Variants in MARCHF1 observed in about 807,000 individuals in gnomAD.
MARCHF1 encodes E3 ubiquitin-protein ligase MARCHF1.
Under a neutral mutation model 54.2 loss-of-function variants are expected in MARCHF1, and 40 were observed. The ratio of observed to expected loss-of-function variants is 0.74; its 90% CI spans 0.57 to 0.96. The LOEUF (loss-of-function observed/expected upper bound fraction) is 0.96. Among genes scored for constraint, MARCHF1 ranks in the 40% least tolerant of loss-of-function variants. The probability of loss-of-function intolerance (pLI) is 0.00; values close to 1 mark genes in which losing one functional copy is unlikely to be tolerated. For synonymous variants in MARCHF1, 236 were observed against 236.3 expected (o/e 1.00, Z 0.01); for missense variants, 586 against 656.5 (o/e 0.89, Z 1.17).
chr4:164,317,158 CAACT>C (rs1231772019), intron 1 of MARCHF1, among the ~76,000 whole-genome samples: 3 of 152,142 alleles, frequency 2.0e-5, no homozygotes, highest in Non-Finnish European at 2.9e-5. Flanking sequence ...TCAAAATAAG[CAACT>C]AACTGTACTC....
At chr4:163,596,401 A>G (rs927556049) in intron 7 of MARCHF1, among the ~76,000 whole-genome samples, 1 of 151,908 alleles carries the variant, frequency 6.6e-6, no homozygotes, top group African/African-American at 2.4e-5. Flanking sequence ...TTAGCCAGGC[A>G]TGGTGGCATG....
At chr4:163,633,011 C>A (rs376880991) in intron 5 of MARCHF1, among the ~76,000 whole-genome samples, 2 of 152,220 alleles carry the variant, frequency 1.3e-5, no homozygotes, top group Non-Finnish European at 2.9e-5. Flanking sequence ...CTGCAGGGTA[C>A]TCCAACAGAC....
chr4:164,160,457 T>G (rs947636999), intron 1 of MARCHF1, among the ~76,000 whole-genome samples: 7 of 152,206 alleles, frequency 4.6e-5, no homozygotes, highest in Non-Finnish European at 8.8e-5. Flanking sequence ...CACAGTCGCA[T>G]ATGTGGTATG....
chr4:163,986,246 C>CTTTTTTTTTTTTTTTTTTTTTTTTTTT (rs1752861022), intron 3 of MARCHF1, among the ~76,000 whole-genome samples: 4 of 73,758 alleles, frequency 5.4e-5, no homozygotes, highest in Non-Finnish European at 8.2e-5. Flanking sequence ...TAATTAACCT[C>CTTTTTTTTTTTTTTTTTTTTTTTTTTT]TTCTTTTTTT....
At chr4:163,978,195 A>G (rs887071312) in intron 3 of MARCHF1, among the ~76,000 whole-genome samples, 2 of 152,328 alleles carry the variant, frequency 1.3e-5, no homozygotes, top group Admixed American at 1.3e-4. Context: ...GCCATTGGCA[A>G]ACTTCAAATA....
intron 4 of MARCHF1, among the ~76,000 whole-genome samples, chr4:163,753,407 G>A (rs1746580562): frequency 6.6e-6 from 1 of 152,036 alleles, no homozygotes; most frequent in Non-Finnish European, 1.5e-5. Flanking sequence ...CAATTTTAGT[G>A]TCTGCTTTTT....
chr4:164,248,035 A>G (rs1733008463), intron 1 of MARCHF1, among the ~76,000 whole-genome samples: 1 of 151,870 alleles, frequency 6.6e-6, no homozygotes, highest in Admixed American at 6.6e-5. Flanking sequence ...TTGGGGAATA[A>G]TATCACATTC....
At chr4:164,108,405 T>C (rs1273578593) in intron 2 of MARCHF1, among the ~76,000 whole-genome samples, 2 of 152,178 alleles carry the variant, frequency 1.3e-5, no homozygotes, top group African/African-American at 2.4e-5. Flanking sequence ...GCAGAATTCA[T>C]TCATTCATTC....
chr4:163,814,973 C>A (rs1579308337), intron 4 of MARCHF1, among the ~76,000 whole-genome samples: 1 of 151,892 alleles, frequency 6.6e-6, no homozygotes. Context: ...TCTGGCATTA[C>A]TTAAAAAATG....
intron 5 of MARCHF1, among the ~76,000 whole-genome samples, chr4:163,622,096 A>T (rs1741712051): frequency 6.6e-6 from 1 of 152,088 alleles, no homozygotes. Flanking sequence ...TGTAAAAGGC[A>T]GCTGAGATTG....
chr4:164,119,970 C>A lies in MARCHF1; in HGVS notation c.-322-8308G>T, dbSNP rs114890471. ...TTGTTCCTGATAACACATAAAAGAT[C>A]ACTTATACATTATTTTTATGAAGTG... is the stretch of plus-strand genomic sequence containing the variant. On this transcript the variant is annotated intron_variant, in intron 1 of 9. Coordinates refer to ENST00000514618, the MANE Select transcript of MARCHF1 (RefSeq NM_001394959.1). Among the ~76,000 whole-genome samples the A allele has an allele frequency of 3.9e-3, 598 of 151,788 alleles. 5 individuals are homozygous for A. The highest frequency in any genetic ancestry group is 0.014 in the African/African-American group (577 of 41,454).
At chr4:164,198,441 G>C (rs1731344636) in intron 1 of MARCHF1, among the ~76,000 whole-genome samples, 1 of 152,176 alleles carries the variant, frequency 6.6e-6, no homozygotes, top group Non-Finnish European at 1.5e-5. Context: ...TGTTTTTAAT[G>C]AGCAAGGAAA....
At chr4:163,657,691 T>C (rs964260580) in intron 5 of MARCHF1, among the ~76,000 whole-genome samples, 3 of 152,078 alleles carry the variant, frequency 2.0e-5, no homozygotes, top group Non-Finnish European at 2.9e-5. Context: ...CAAAACAGCA[T>C]GGTACTGGTA....
At chr4:163,596,257 T>C (rs1740765442) in intron 7 of MARCHF1, among the ~76,000 whole-genome samples, 1 of 152,078 alleles carries the variant, frequency 6.6e-6, no homozygotes, top group Admixed American at 6.6e-5. Flanking sequence ...GAGTCATCTA[T>C]TGGCTGGGCG....
At chr4:164,006,990 GAAAAAAAAAAAAAAAAAAAAAAAAAAAAA>G (rs57195057) in intron 2 of MARCHF1, among the ~76,000 whole-genome samples, 30 of 23,194 alleles carry the variant, frequency 1.3e-3, no homozygotes, top group African/African-American at 4.7e-3. Context: ...TCTGAAATCT[GAAAAAAAAAAAAAAAAAAAAAAAAAAAAA>G]AAAAAAAAAA....
chr4:163,987,636 T>C (rs1166867182), intron 3 of MARCHF1, among the ~76,000 whole-genome samples: 3 of 152,200 alleles, frequency 2.0e-5, no homozygotes, highest in South Asian at 2.1e-4. Flanking sequence ...TAAGGACACC[T>C]GAGGACTAGA....
intron 2 of MARCHF1, among the ~76,000 whole-genome samples, chr4:164,042,217 C>T (rs1223929638): frequency 6.6e-6 from 1 of 152,126 alleles, no homozygotes; most frequent in Non-Finnish European, 1.5e-5. Context: ...TCTCTCCAGG[C>T]TGAACAAGTA....
At chr4:164,151,724 T>C (rs1236961042) in intron 1 of MARCHF1, among the ~76,000 whole-genome samples, 1 of 152,182 alleles carries the variant, frequency 6.6e-6, no homozygotes, top group Non-Finnish European at 1.5e-5. Flanking sequence ...TTTCATGTTA[T>C]GATTTTATTT....
intron 5 of MARCHF1, among the ~76,000 whole-genome samples, chr4:163,617,439 G>A (rs1048229667): frequency 3.9e-5 from 6 of 152,070 alleles, no homozygotes; most frequent in African/African-American, 1.2e-4. Flanking sequence ...GTAATTACCC[G>A]ATTTGATCAC....
Sources: allele counts gnomAD v4.1 joint callset (sites outside exome capture counted in the v4.1 genomes callset), GRCh38; gene constraint gnomAD v4.1.1; transcripts MANE v1.5; gene names NCBI Gene and HGNC (gene_info 2026-07-23, HGNC 2026-07-21).